The following TENM3 variants were observed in gnomAD, a reference collection of about 807,000 sequenced individuals.
TENM3 encodes teneurin transmembrane protein 3, also known as teneurin-3.
Under a neutral mutation model 255.1 loss-of-function variants are expected in TENM3, and 63 were observed. The ratio of observed to expected loss-of-function variants is 0.25; its 90% CI spans 0.20 to 0.30. The LOEUF (loss-of-function observed/expected upper bound fraction) is 0.30, where lower values mean the gene tolerates loss of function less well. TENM3 is among the 10% of genes least tolerant of loss of function. TENM3 has a pLI of 1.00. For missense variants in TENM3, 2,929 were observed against 3,461.1 expected, an observed-to-expected ratio of 0.85 and a Z score of 3.86; for synonymous variants, 1,306 against 1,322.3, an observed-to-expected ratio of 0.99 and a Z score of 0.27.
intron 1 of TENM3, among the ~76,000 whole-genome samples, chr4:182,287,779 A>T (rs1760836359): frequency 6.6e-6 from 1 of 150,754 alleles, no homozygotes; most frequent in African/African-American, 2.4e-5. Flanking sequence ...ACACCCGTCT[A>T]ATTTTGTTTT....
chr4:181,539,527 G>C, the TENM3 span, among the ~76,000 whole-genome samples: 3 of 152,026 alleles, frequency 2.0e-5, no homozygotes, highest in African/African-American at 7.2e-5. Flanking sequence ...AACTTAATAC[G>C]TTTATTCCTC....
intron 3 of TENM3, among the ~76,000 whole-genome samples, chr4:182,399,009 C>T (rs979604004): frequency 1.3e-5 from 2 of 152,156 alleles, no homozygotes; most frequent in East Asian, 1.9e-4. Context: ...TGCACAGTCC[C>T]GAACTCGGTC....
chr4:181,464,598 GTTTTC>G, the TENM3 span, among the ~76,000 whole-genome samples: 1 of 151,692 alleles, frequency 6.6e-6, no homozygotes, highest in Non-Finnish European at 1.5e-5. Context: ...CATTCTGTGG[GTTTTC>G]TTTTCATTTT....
At chr4:181,472,132 T>G in the TENM3 span, among the ~76,000 whole-genome samples, 1 of 152,160 alleles carries the variant, frequency 6.6e-6, no homozygotes, top group Non-Finnish European at 1.5e-5. Flanking sequence ...TGGGGTGTCA[T>G]GTTCTGAGCC....
chr4:182,247,755 T>G (rs2150099752), intron 1 of TENM3, among the ~76,000 whole-genome samples: 1 of 152,322 alleles, frequency 6.6e-6, no homozygotes, highest in South Asian at 2.1e-4. Flanking sequence ...TTCTAGGATT[T>G]TATAATTCTG....
chr4:181,629,178 T>C, the TENM3 span, among the ~76,000 whole-genome samples: 1 of 152,232 alleles, frequency 6.6e-6, no homozygotes. Context: ...TTTTTGCACA[T>C]TGATTTTGTA....
chr4:181,873,753 TG>T, the TENM3 span, among the ~76,000 whole-genome samples: 53 of 151,852 alleles, frequency 3.5e-4, no homozygotes, highest in Non-Finnish European at 6.9e-4. Flanking sequence ...TGTGTGTGTG[TG>T]TGTGTGTGTG....
chr4:182,414,805 A>T (rs987717300), intron 3 of TENM3, among the ~76,000 whole-genome samples: 2 of 152,232 alleles, frequency 1.3e-5, no homozygotes, highest in African/African-American at 4.8e-5. Context: ...TCTCTCACAG[A>T]CACATGCACG....
the TENM3 span, among the ~76,000 whole-genome samples, chr4:181,678,778 G>A: frequency 3.4e-5 from 5 of 148,408 alleles, no homozygotes; most frequent in African/African-American, 1.2e-4. Flanking sequence ...TATTATGTTT[G>A]TATCTATCTA....
At chr4:182,041,811 G>C in the TENM3 span, among the ~76,000 whole-genome samples, 9 of 152,160 alleles carry the variant, frequency 5.9e-5, no homozygotes, top group Non-Finnish European at 1.2e-4. Context: ...GGTTGGTCTT[G>C]ACAAAATAAG....
At chr4:182,562,369 A>T (rs531516728) in intron 3 of TENM3, among the ~76,000 whole-genome samples, 2 of 152,120 alleles carry the variant, frequency 1.3e-5, no homozygotes, top group African/African-American at 2.4e-5. Context: ...TCTCAAATTT[A>T]TATGTTGAAG....
chr4:181,909,364 A>T, the TENM3 span, among the ~76,000 whole-genome samples: 2 of 152,218 alleles, frequency 1.3e-5, no homozygotes, highest in Non-Finnish European at 2.9e-5. Context: ...TCTATTCCCC[A>T]CATCTTGACC....
chr4:181,675,084 G>A, the TENM3 span, among the ~76,000 whole-genome samples: 1 of 152,080 alleles, frequency 6.6e-6, no homozygotes, highest in Non-Finnish European at 1.5e-5. Context: ...TAAACAGCAA[G>A]TCTGGGTCTG....
the TENM3 span, among the ~76,000 whole-genome samples, chr4:181,723,811 AATGG>A: frequency 1.3e-5 from 2 of 152,130 alleles, no homozygotes; most frequent in African/African-American, 4.8e-5. Flanking sequence ...GACAATTCTC[AATGG>A]ATTTTTGATA....
chr4:182,046,267 A>C, the TENM3 span, among the ~76,000 whole-genome samples: 4 of 152,228 alleles, frequency 2.6e-5, no homozygotes, highest in South Asian at 8.3e-4. Context: ...GTCACTTTCT[A>C]ATTCTTACAA....
At chr4:182,731,209 A>C (rs1249777076) in intron 16 of TENM3, 70 bp downstream of exon 16, 1 of 1,525,948 alleles carries the variant, frequency 6.6e-7, no homozygotes, top group Non-Finnish European at 8.9e-7. Flanking sequence ...GAGAATCTTA[A>C]AAATAGGTTA....
At chr4:181,516,611 T>C in the TENM3 span, among the ~76,000 whole-genome samples, 1 of 151,680 alleles carries the variant, frequency 6.6e-6, no homozygotes, top group Non-Finnish European at 1.5e-5. Flanking sequence ...AGAAACCCCA[T>C]CCCCAAAATA....
At chr4:182,610,359 A>G (rs1748875169) in intron 4 of TENM3, among the ~76,000 whole-genome samples, 1 of 152,204 alleles carries the variant, frequency 6.6e-6, no homozygotes, top group Non-Finnish European at 1.5e-5. Context: ...GATAGATTCT[A>G]TTCCAGAGCA....
intron 1 of TENM3, among the ~76,000 whole-genome samples, chr4:182,154,067 A>AT (rs2079710054): frequency 6.6e-6 from 1 of 151,906 alleles, no homozygotes; most frequent in African/African-American, 2.4e-5. Flanking sequence ...TTATCACTTA[A>AT]TTTTAAGTCT....
Sources: gnomAD v4.1 joint callset for allele counts (sites outside exome capture counted in the v4.1 genomes callset) on GRCh38, gnomAD v4.1.1 for gene constraint, MANE v1.5 for transcripts, NCBI Gene and HGNC (gene_info 2026-07-23, HGNC 2026-07-21) for gene names.